Variants in INO80D observed in about 807,000 individuals in gnomAD.
INO80D encodes the protein INO80 complex subunit D.
In INO80D, 21 loss-of-function variants were observed where a neutral mutation model predicts 87.6. The ratio of observed to expected loss-of-function variants is 0.24; its 90% CI spans 0.17 to 0.35. The LOEUF (loss-of-function observed/expected upper bound fraction) is 0.35. Ranked by LOEUF, INO80D falls within the 10% of genes least tolerant of loss-of-function variation. INO80D has a pLI of 1.00. For missense variants in INO80D, 982 were observed against 1,280.7 expected (o/e 0.77, Z 3.56); for synonymous variants, 440 against 491.0 (o/e 0.90, Z 1.37).
chr2:206,070,455 T>TCATGC (rs1412902166), intron 1 of INO80D, among the ~76,000 whole-genome samples: 2 of 151,454 alleles, frequency 1.3e-5, no homozygotes, highest in Non-Finnish European at 2.9e-5. Flanking sequence ...GCGCGGTGGC[T>TCATGC]CATGCCTGTA....
intron 5 of INO80D, among the ~76,000 whole-genome samples, chr2:206,039,810 CAAA>C (rs35689223): frequency 6.2e-4 from 63 of 101,072 alleles, no homozygotes; most frequent in Admixed American, 1.2e-3. Context: ...CCTCTGTCTC[CAAA>C]AAAAAAAAAA....
At chr2:206,078,392 G>A (rs1375980014) in intron 1 of INO80D, among the ~76,000 whole-genome samples, 1 of 152,108 alleles carries the variant, frequency 6.6e-6, no homozygotes, top group Non-Finnish European at 1.5e-5. Flanking sequence ...ACTCCAGCCT[G>A]GCAACACAGC....
chr2:206,056,544 C>T lies in INO80D; in HGVS notation c.618G>A (p.Pro206=), dbSNP rs72946438. 2.3e-4 allele frequency: 373 copies of T among 1,612,992 alleles called. No homozygotes were observed. Among genetic ancestry groups the T allele is most frequent in the Admixed American group, 3.3e-4 (20 of 59,786 alleles). Reference sequence around the variant, plus strand: ...AAGGTGACAGGTGGGAGTGCTGCTGCGGAGGCTGCTGCTGTGAAGGTGCAG... The same window carrying T: ...AAGGTGACAGGTGGGAGTGCTGCTGTGGAGGCTGCTGCTGTGAAGGTGCAG... ...PPPAPSQQQP[P]QQHSHLSPLS... Residue 206 remains proline (P), a synonymous_variant, in exon 4 of 11, where the codon CCG becomes CCA. Coordinates refer to ENST00000403263, the MANE Select transcript of INO80D (RefSeq NM_017759.5).
rs200923188 is a variant in INO80D at position 206,005,000 on chromosome 2, T to A, written c.2452A>T (p.Ser818Cys). 1.4e-3 allele frequency: 2,293 copies of A among 1,614,014 alleles called. 5 individuals are homozygous for A. Among genetic ancestry groups the A allele is most frequent in the Non-Finnish European group, 1.7e-3 (2,057 of 1,179,884 alleles). Residue 818 changes from serine to cysteine, a missense_variant, in exon 11 of 11, where the codon AGT becomes TGT. Ser to Cys is a moderately radical substitution (Grantham distance 112). Transcript: ENST00000403263. This position sits in a 1 kb window ranked among gnomAD's most constrained non-coding sequence, Gnocchi z 4.9. ...TGGGGTGAGGAGTGTGAGTGATCAC[T>A]GCTGTATTGCTGTCGTGAGGTGATT... ...DLITSRQQYS[S>C]DHSHSSPHGS...
rs893310780 is a variant in INO80D, at chr2:205,996,080, T to G, written c.*8288A>C. ...TTTAAGTAAAATGTCCCCAAATTAT[T>G]GAGCTAAAACTTTCAAATTTGTTTT... On this transcript the variant is annotated 3_prime_UTR_variant, in exon 11 of 11. Transcript: ENST00000403263. 6 of 152,122 alleles carry G rather than the reference T, an allele frequency of 3.9e-5. No individual in the cohort carries two copies. The highest frequency in any genetic ancestry group is 8.8e-5 in the Non-Finnish European group (6 of 67,966). 9.4% of individuals were successfully genotyped at this position (152,122 alleles called of 1,614,324 possible).
At chr2:206,031,500 G>A (rs116389154) in intron 5 of INO80D, among the ~76,000 whole-genome samples, 5 of 152,242 alleles carry the variant, frequency 3.3e-5, no homozygotes, top group African/African-American at 7.2e-5. Flanking sequence ...ATGCACCTGC[G>A]CCCCTGCCAC....
chr2:206,051,956 A>G (rs1689381304), intron 4 of INO80D, among the ~76,000 whole-genome samples: 1 of 152,216 alleles, frequency 6.6e-6, no homozygotes, highest in Admixed American at 6.5e-5. Context: ...GAGTCATTGT[A>G]TTCCTCATGC....
chr2:206,082,885 C>T (rs1559469712), intron 1 of INO80D, among the ~76,000 whole-genome samples: 2 of 152,176 alleles, frequency 1.3e-5, no homozygotes, highest in East Asian at 3.9e-4. Flanking sequence ...ATTTTTATTT[C>T]TCTAAAAATA....
chr2:206,017,726 T>C lies in INO80D; in HGVS notation c.1496A>G (p.Asp499Gly), dbSNP rs1268528918. Residue 499 changes from aspartate (D) to glycine (G), a missense_variant, in exon 8 of 11, where the codon GAC becomes GGC. Transcript: ENST00000403263. ...DGQQCSVPVFDITHQTPLCEE... is the reference protein window; with the variant it reads ...DGQQCSVPVFGITHQTPLCEE... The stretch of plus-strand genomic sequence containing the variant: ...ACACAGAGGTGTCTGATGTGTAATG[T>C]CAAAAACTGGCACAGAGCACTGCTG... 1.2e-6 allele frequency: 2 copies of C among 1,612,610 alleles called. No homozygotes were observed. Among genetic ancestry groups the C allele is most frequent in the Non-Finnish European group, 1.7e-6 (2 of 1,179,458 alleles).
At chr2:206,050,170 T>C (rs1051283866) in intron 4 of INO80D, among the ~76,000 whole-genome samples, 1 of 151,168 alleles carries the variant, frequency 6.6e-6, no homozygotes, top group Admixed American at 6.6e-5. Context: ...CTGAAAACTT[T>C]TTCTGTGTGT....
chr2:206,025,638 G>C (rs1437048003), intron 6 of INO80D: 2 of 148,880 alleles, frequency 1.3e-5, no homozygotes, highest in African/African-American at 4.9e-5. Context: ...ATCACAACCA[G>C]TTAGTTACAG....
intron 1 of INO80D, among the ~76,000 whole-genome samples, chr2:206,079,500 G>A (rs1690216279): frequency 6.6e-6 from 1 of 152,150 alleles, no homozygotes; most frequent in African/African-American, 2.4e-5. Context: ...CGTCTGTGAG[G>A]ATGAGTCCCA....
chr2:206,065,344 C>A (rs1273640280), intron 1 of INO80D, among the ~76,000 whole-genome samples: 2 of 152,130 alleles, frequency 1.3e-5, no homozygotes, highest in Non-Finnish European at 2.9e-5. Flanking sequence ...GTCATGCATG[C>A]CTGTAATCCC....
Position 206,002,914 on chromosome 2 carries a change from A to G in INO80D, c.*1454T>C, listed in dbSNP as rs946194901. On this transcript the variant is annotated 3_prime_UTR_variant, in exon 11 of 11. Transcript: ENST00000403263. ...TGAAACTACTCAGCAAAAGCAGAGT[A>G]GAGATGCCTTTAAAATCTAGTTCCA... 3 of 152,212 alleles carry G rather than the reference A, an allele frequency of 2.0e-5. No homozygotes were observed. Among genetic ancestry groups the G allele is most frequent in the Non-Finnish European group, 1.5e-5 (1 of 68,034 alleles). 9.4% of individuals were successfully genotyped at this position (152,212 alleles called of 1,614,324 possible). A position where few individuals can be genotyped will look rare whatever the true frequency, so the allele number is the denominator to read the frequency against.
intron 8 of INO80D, among the ~76,000 whole-genome samples, chr2:206,011,465 C>T (rs1418192777): frequency 6.6e-6 from 1 of 152,166 alleles, no homozygotes; most frequent in Non-Finnish European, 1.5e-5. Context: ...GCTAGAGCCC[C>T]CACCCCCTGA....
intron 4 of INO80D, among the ~76,000 whole-genome samples, chr2:206,049,361 CA>C (rs1234771711): frequency 7.9e-5 from 12 of 152,106 alleles, no homozygotes; most frequent in Non-Finnish European, 2.9e-5. Context: ...GGTAAAAAAG[CA>C]ATTAAATGAT....
At chr2:206,019,684 C>G in intron 7 of INO80D, 52 bp downstream of exon 7, 1 of 1,330,048 alleles carries the variant, frequency 7.5e-7, no homozygotes, top group Non-Finnish European at 1.1e-6. Flanking sequence ...ATATACAGCC[C>G]CAAATTAGGT....
intron 1 of INO80D, among the ~76,000 whole-genome samples, chr2:206,077,339 C>CA (rs929278865): frequency 0.048 from 5,169 of 107,132 alleles, 209 homozygotes; most frequent in African/African-American, 0.13. Context: ...GACTCTGTCT[C>CA]AAAAAAAAAA....
intron 5 of INO80D, among the ~76,000 whole-genome samples, chr2:206,031,912 A>G (rs1012497706): frequency 1.4e-4 from 22 of 152,264 alleles, no homozygotes; most frequent in African/African-American, 5.1e-4. Context: ...TCGAACACAC[A>G]CCGCTGCTGG....
Sources: gnomAD v4.1 joint callset for allele counts (sites outside exome capture counted in the v4.1 genomes callset) on GRCh38, gnomAD v4.1.1 for gene constraint, Gnocchi (gnomAD v3.1) non-coding constraint, MANE v1.5 for transcripts, NCBI Gene and HGNC (gene_info 2026-07-23, HGNC 2026-07-21) for gene names.